NUTM2B: variants seen among roughly 807,000 people sequenced by gnomAD.
NUTM2B encodes the protein NUT family member 2B.
Under a neutral mutation model 42.4 loss-of-function variants are expected in NUTM2B, and 2 were observed. The ratio of observed to expected loss-of-function variants is 0.05; its 90% CI spans 0.02 to 0.15. NUTM2B has a LOEUF of 0.15. Ranked by LOEUF, NUTM2B falls within the 10% of genes least tolerant of loss-of-function variation. The pLI is 1.00. For synonymous variants in NUTM2B, 18 were observed against 402.4 expected (o/e 0.04, Z 11.43); for missense variants, 58 against 952.6 (o/e 0.06, Z 12.36).
At chr10:79,712,416 A>G (rs1299003434) in exon 7 of NUTM2B, 1 of 1,434,932 alleles carries the variant, frequency 7.0e-7, no homozygotes, top group South Asian at 1.3e-5. Flanking sequence ...GTGGCCCCTC[A>G]CAGTCTCAAA....
At chr10:79,696,637 A>C in the NUTM2B span, among the ~76,000 whole-genome samples, 2 of 152,348 alleles carry the variant, frequency 1.3e-5, no homozygotes, top group South Asian at 4.1e-4. Context: ...AAGAAGGGGA[A>C]ATCCCCAAAT....
the NUTM2B span, among the ~76,000 whole-genome samples, chr10:79,693,942 A>G: frequency 3.9e-5 from 6 of 152,134 alleles, no homozygotes; most frequent in African/African-American, 1.4e-4. Context: ...CCAGAAGGCG[A>G]CTCCCGGTAA....
At chr10:79,694,184 G>A in the NUTM2B span, among the ~76,000 whole-genome samples, 1 of 152,150 alleles carries the variant, frequency 6.6e-6, no homozygotes, top group Non-Finnish European at 1.5e-5. Flanking sequence ...GATCACCTGA[G>A]GTTAGGAGTT....
Position 79,710,947 on chromosome 10 carries a change from G to A in NUTM2B, c.1734+183G>A, listed in dbSNP as rs537402464. On this transcript the variant is annotated intron_variant, in intron 5 of 6. Transcript: ENST00000429828. ...GTGTTTGTGTCTGTGGTTTGTTACT[G>A]TGTGTCTTTGTGTGTCTGTGTAGGT... Among the ~76,000 whole-genome samples the A allele has an allele frequency of 7.5e-4, 100 of 134,168 alleles. 4 individuals are homozygous for A. The highest frequency in any genetic ancestry group is 2.7e-3 in the African/African-American group (97 of 35,756). The allele number at this position is 134,168 out of a possible 152,430, so 88.0% of individuals were successfully genotyped here.
At chr10:79,700,048 T>C, upstream of NUTM2B, among the ~76,000 whole-genome samples, 1 of 152,246 alleles carries the variant, frequency 6.6e-6, no homozygotes, top group Non-Finnish European at 1.5e-5. Context: ...ACTTTTTATA[T>C]GTAAATCCCA....
rs1208906041 is a variant in NUTM2B at position 79,710,771 on chromosome 10, T to A, written c.1734+7T>A. On this transcript the variant is annotated splice_region_variant and intron_variant, in intron 5 of 6. Coordinates refer to ENST00000429828, the Ensembl canonical transcript of NUTM2B. Reference sequence around the variant, plus strand: ...GAAAGACTTCGTCACCAAGGTGGGCTGGCCTGGAGTGCTGGGGTCTGCTGG... The same window carrying A: ...GAAAGACTTCGTCACCAAGGTGGGCAGGCCTGGAGTGCTGGGGTCTGCTGG... 7.9e-7 allele frequency: 1 copy of A among 1,265,456 alleles called. No homozygotes were observed. Among genetic ancestry groups the A allele is most frequent in the Non-Finnish European group, 1.1e-6 (1 of 940,688 alleles). The allele number at this position is 1,265,456 out of a possible 1,614,324, so 78.4% of individuals were successfully genotyped here.
chr10:79,697,834 TGATTCTTG>T, the NUTM2B span, among the ~76,000 whole-genome samples: 5 of 148,142 alleles, frequency 3.4e-5, no homozygotes, highest in African/African-American at 1.2e-4. Flanking sequence ...CAGGAATCCA[TGATTCTTG>T]AATCCAAACA....
the NUTM2B span, among the ~76,000 whole-genome samples, chr10:79,693,446 C>T: frequency 6.6e-6 from 1 of 152,354 alleles, no homozygotes; most frequent in Admixed American, 6.5e-5. Context: ...CTGAGGATAT[C>T]TTCTGTTCAT....
chr10:79,695,455 A>G, the NUTM2B span, among the ~76,000 whole-genome samples: 1 of 152,110 alleles, frequency 6.6e-6, no homozygotes, highest in Non-Finnish European at 1.5e-5. Flanking sequence ...ACAGAAACCA[A>G]CACATATTCT....
the NUTM2B span, among the ~76,000 whole-genome samples, chr10:79,694,391 C>A: frequency 7.3e-6 from 1 of 136,808 alleles, no homozygotes; most frequent in African/African-American, 2.7e-5. Context: ...GAGGGAGACT[C>A]TGTCTCAAAA....
upstream of NUTM2B, among the ~76,000 whole-genome samples, chr10:79,698,951 A>C (rs1589259675): frequency 2.6e-5 from 4 of 152,282 alleles, no homozygotes; most frequent in African/African-American, 9.6e-5. Flanking sequence ...CACACTTCCA[A>C]ATGCTCACAC....
At chr10:79,700,209 A>G (rs1412286945), upstream of NUTM2B, among the ~76,000 whole-genome samples, 1 of 152,290 alleles carries the variant, frequency 6.6e-6, no homozygotes, top group African/African-American at 2.4e-5. Context: ...TCAGCGTATT[A>G]GAACATGCAT....
Position 79,711,958 on chromosome 10 carries a change from C to T in NUTM2B, c.2110C>T (p.Gln704Ter). The change falls in exon 7 of 7, where the codon CAG becomes TAG. Residue 704 changes from glutamine to a stop codon, truncating the protein, a stop_gained. Transcript: ENST00000429828. LOFTEE classifies it low-confidence loss of function (END_TRUNC). The stretch of plus-strand genomic sequence containing the variant: ...AGACTCTGTTGTGCTTTTGGGATGT[C>T]AGGATTCCCCTGGGCTGAGGGCTGC... 6.8e-7 allele frequency: 1 copy of T among 1,476,110 alleles called. No individual in the cohort carries two copies. The highest frequency in any genetic ancestry group is 9.1e-7 in the Non-Finnish European group (1 of 1,101,620). 91.4% of individuals were successfully genotyped at this position (1,476,110 alleles called of 1,614,324 possible). A position where few individuals can be genotyped will look rare whatever the true frequency, so the allele number is the denominator to read the frequency against.
At chr10:79,706,964 G>T (rs1190679973) in intron 2 of NUTM2B, among the ~76,000 whole-genome samples, 2 of 111,242 alleles carry the variant, frequency 1.8e-5, no homozygotes, top group Non-Finnish European at 3.4e-5. Context: ...CGTGAGTCCG[G>T]CCAATCCTTA....
At chr10:79,694,257 C>G in the NUTM2B span, among the ~76,000 whole-genome samples, 1 of 151,956 alleles carries the variant, frequency 6.6e-6, no homozygotes, top group Non-Finnish European at 1.5e-5. Context: ...ATTAGCTGGG[C>G]TTGGTGGTGC....
upstream of NUTM2B, among the ~76,000 whole-genome samples, chr10:79,701,570 G>A (rs1840315083): frequency 6.6e-6 from 1 of 151,832 alleles, no homozygotes; most frequent in Non-Finnish European, 1.5e-5. Context: ...AGGGCCTCAA[G>A]TGCAGAGTCT....
upstream of NUTM2B, among the ~76,000 whole-genome samples, chr10:79,700,066 A>G (rs1047926605): frequency 3.3e-5 from 5 of 152,192 alleles, no homozygotes; most frequent in Non-Finnish European, 7.3e-5. Context: ...CCACATAAGT[A>G]AGCGATTGTC....
upstream of NUTM2B, among the ~76,000 whole-genome samples, chr10:79,699,378 T>C (rs893407732): frequency 6.6e-6 from 1 of 151,922 alleles, no homozygotes; most frequent in Non-Finnish European, 1.5e-5. Context: ...ATACATATCT[T>C]ACATCTCATA....
At chr10:79,694,088 G>A in the NUTM2B span, among the ~76,000 whole-genome samples, 1 of 152,154 alleles carries the variant, frequency 6.6e-6, no homozygotes, top group Non-Finnish European at 1.5e-5. Context: ...ACTAATGGAA[G>A]GTTGAGTCAC....
Sources: gnomAD v4.1 joint callset for allele counts (sites outside exome capture counted in the v4.1 genomes callset) on GRCh38, gnomAD v4.1.1 for gene constraint, MANE v1.5 for transcripts, NCBI Gene and HGNC (gene_info 2026-07-23, HGNC 2026-07-21) for gene names.